Variants in RB1 observed in about 807,000 individuals in gnomAD.
RB1 encodes the protein retinoblastoma-associated protein.
In RB1, 18 loss-of-function variants were observed where a neutral mutation model predicts 135.4. That is an observed-to-expected ratio of 0.13 (90% CI 0.09 to 0.20). The LOEUF (loss-of-function observed/expected upper bound fraction) is 0.20. Ranked by LOEUF, RB1 falls within the 10% of genes least tolerant of loss-of-function variation. RB1 has a pLI of 1.00. For synonymous variants in RB1, 365 were observed against 373.2 expected (o/e 0.98, Z 0.25); for missense variants, 868 against 1,110.0 (o/e 0.78, Z 3.10).
At chr13:48,360,283 G>C (rs1952627606) in intron 7 of RB1, 156 bp downstream of exon 7, 1 of 1,431,752 alleles carries the variant, frequency 7.0e-7, no homozygotes, top group Non-Finnish European at 9.2e-7. Context: ...TAGAAGGAAA[G>C]ATAAGACATG....
At chr13:48,436,185 G>A (rs990045427) in intron 17 of RB1, among the ~76,000 whole-genome samples, 4 of 152,216 alleles carry the variant, frequency 2.6e-5, no homozygotes, top group South Asian at 2.1e-4. Flanking sequence ...TAGCTGGTTG[G>A]TGATGAAGGA....
intron 19 of RB1, among the ~76,000 whole-genome samples, chr13:48,456,587 C>T (rs1446124675): frequency 6.6e-6 from 1 of 151,460 alleles, no homozygotes; most frequent in Non-Finnish European, 1.5e-5. Context: ...AATTTTTGCT[C>T]AGGCCCACCG....
chr13:48,380,463 TTC>T (rs1948525582), intron 16 of RB1, among the ~76,000 whole-genome samples: 3 of 152,172 alleles, frequency 2.0e-5, no homozygotes, highest in Non-Finnish European at 2.9e-5. Context: ...TAGGCTTCTC[TTC>T]TGAGTATACT....
At chr13:48,318,463 C>T (rs1472267027) in intron 2 of RB1, 6 of 1,363,828 alleles carry the variant, frequency 4.4e-6, no homozygotes, top group Non-Finnish European at 6.1e-6. Flanking sequence ...TCCTTCTCGT[C>T]CAGGTGCCTC....
intron 17 of RB1, among the ~76,000 whole-genome samples, chr13:48,436,277 G>A (rs1394651624): frequency 1.3e-5 from 2 of 152,156 alleles, no homozygotes; most frequent in East Asian, 1.9e-4. Flanking sequence ...GTGTCCAGTT[G>A]GAAATATGGA....
At chr13:48,354,133 A>G (rs1399206945) in intron 6 of RB1, among the ~76,000 whole-genome samples, 5 of 152,124 alleles carry the variant, frequency 3.3e-5, no homozygotes, top group African/African-American at 4.8e-5. Flanking sequence ...TTGGAAAGAA[A>G]GAAGTCAAGT....
Position 48,319,280 on chromosome 13 carries a change from C to T in RB1, c.264+11874C>T, listed in dbSNP as rs1566179036. ...TTTGTGGCGCTGCTTGTGCTGTGTG[C>T]GGGGTCAGGCGTCCTCTCTCCTCCC... On this transcript the variant is annotated intron_variant, in intron 2 of 26. Coordinates refer to ENST00000267163, the MANE Select transcript of RB1 (RefSeq NM_000321.3). This position sits in a 1 kb window ranked among gnomAD's most constrained non-coding sequence, Gnocchi z 5.0. 1.1e-5 allele frequency: 8 copies of T among 756,330 alleles called. No homozygotes were observed. Among genetic ancestry groups the T allele is most frequent in the African/African-American group, 3.6e-5 (2 of 55,896 alleles). The allele number at this position is 756,330 out of a possible 1,614,324, so 46.9% of individuals were successfully genotyped here.
intron 17 of RB1, among the ~76,000 whole-genome samples, chr13:48,413,748 C>T (rs1948858838): frequency 6.6e-6 from 1 of 152,146 alleles, no homozygotes; most frequent in South Asian, 2.1e-4. Flanking sequence ...TTACTCATTT[C>T]TCCAAAAGAA....
intron 2 of RB1, among the ~76,000 whole-genome samples, chr13:48,333,855 A>AGG (rs538798366): frequency 1.8e-3 from 266 of 151,944 alleles, no homozygotes; most frequent in African/African-American, 6.1e-3. Flanking sequence ...GGGGTAAAGT[A>AGG]GTGAATTAGA....
Position 48,319,001 on chromosome 13 carries a change from G to A in RB1, c.264+11595G>A, listed in dbSNP as rs1952211277. ...CCTGTTGCTGCCTTACATGGGGGCC[G>A]GCAGGGTAGTCTTGGAAATGCCCAA... On this transcript the variant is annotated intron_variant, in intron 2 of 26. Coordinates refer to ENST00000267163, the MANE Select transcript of RB1 (RefSeq NM_000321.3). This position sits in a 1 kb window ranked among gnomAD's most constrained non-coding sequence, Gnocchi z 5.0. 4.1e-6 allele frequency: 3 copies of A among 724,634 alleles called. No individual in the cohort carries two copies. The highest frequency in any genetic ancestry group is 7.5e-6 in the Non-Finnish European group (3 of 400,368). The allele number at this position is 724,634 out of a possible 1,614,324, so 44.9% of individuals were successfully genotyped here. A position where few individuals can be genotyped will look rare whatever the true frequency, so the allele number is the denominator to read the frequency against.
At chr13:48,367,268 A>C (rs1393817189) in intron 9 of RB1, among the ~76,000 whole-genome samples, 1 of 152,190 alleles carries the variant, frequency 6.6e-6, no homozygotes, top group Non-Finnish European at 1.5e-5. Flanking sequence ...ATTCTAATAA[A>C]TATTTTCTAT....
chr13:48,409,864 C>T (rs897716730), intron 17 of RB1, among the ~76,000 whole-genome samples: 4 of 152,006 alleles, frequency 2.6e-5, no homozygotes, highest in African/African-American at 9.7e-5. Flanking sequence ...CAGGTGTGAA[C>T]CACCGTGCCC....
intron 6 of RB1, among the ~76,000 whole-genome samples, chr13:48,354,066 A>C (rs1180063379): frequency 6.6e-6 from 1 of 152,174 alleles, no homozygotes; most frequent in African/African-American, 2.4e-5. Context: ...GTTATTCAGC[A>C]TAGTACTGGA....
intron 2 of RB1, chr13:48,328,474 G>A (rs1952306851): frequency 3.3e-6 from 3 of 898,220 alleles, no homozygotes; most frequent in Non-Finnish European, 3.8e-6. Flanking sequence ...TCTCAGCGCT[G>A]CGGCTGGAAC....
chr13:48,426,591 C>G (rs1177680787), intron 17 of RB1: 1 of 152,270 alleles, frequency 6.6e-6, no homozygotes, highest in Non-Finnish European at 1.5e-5. Flanking sequence ...CCTGTTACAA[C>G]TAGCCATTCA....
intron 17 of RB1, among the ~76,000 whole-genome samples, chr13:48,388,278 T>C (rs920444072): frequency 2.6e-5 from 4 of 152,182 alleles, no homozygotes; most frequent in Non-Finnish European, 5.9e-5. Flanking sequence ...AGTAGTGTCA[T>C]TCATTAAAAT....
chr13:48,371,256 G>C (rs1035467146), intron 11 of RB1, among the ~76,000 whole-genome samples: 2 of 152,222 alleles, frequency 1.3e-5, no homozygotes, highest in Non-Finnish European at 2.9e-5. Flanking sequence ...CATGGTAATA[G>C]TCAGTGGGGG....
chr13:48,346,207 G>A (rs1300884646), intron 4 of RB1, among the ~76,000 whole-genome samples: 1 of 145,252 alleles, frequency 6.9e-6, no homozygotes, highest in African/African-American at 2.5e-5. Flanking sequence ...TAAATAATTT[G>A]CATAACAAAC....
rs1952216234 is a variant in RB1 at position 48,319,516 on chromosome 13, A to AG, written c.264+12115dup. On this transcript the variant is annotated intron_variant, in intron 2 of 26. Transcript: ENST00000267163. This position sits in a 1 kb window ranked among gnomAD's most constrained non-coding sequence, Gnocchi z 5.0. ...TTCTGTGGTGCTTCTGAAGGGCTGC[A>AG]GGGGGCTGCTGGCTTCGGGCTGCCC... 1 of 277,430 alleles carries AG rather than the reference A, an allele frequency of 3.6e-6. No homozygotes were observed. Among genetic ancestry groups the AG allele is most frequent in the South Asian group, 3.9e-5 (1 of 25,406 alleles). 17.2% of individuals were successfully genotyped at this position (277,430 alleles called of 1,614,324 possible).
Sources: allele counts gnomAD v4.1 joint callset (sites outside exome capture counted in the v4.1 genomes callset), GRCh38; gene constraint gnomAD v4.1.1; non-coding constraint Gnocchi (gnomAD v3.1); transcripts MANE v1.5; gene names NCBI Gene and HGNC (gene_info 2026-07-23, HGNC 2026-07-21).